Variants in ANO4 observed in about 807,000 individuals in gnomAD.
ANO4 encodes anoctamin 4, also known as anoctamin-4.
Under a neutral mutation model 141.9 loss-of-function variants are expected in ANO4, and 69 were observed. The observed-to-expected ratio is 0.49, with a 90% CI of 0.40 to 0.59. The LOEUF (loss-of-function observed/expected upper bound fraction) is 0.59. ANO4 is among the 20% of genes least tolerant of loss of function. The pLI is 0.00. For synonymous variants in ANO4, 350 were observed against 394.3 expected (o/e 0.89, Z 1.33); for missense variants, 894 against 1,162.2 (o/e 0.77, Z 3.36).
At chr12:100,862,809 C>G (rs543992888) in intron 1 of ANO4, among the ~76,000 whole-genome samples, 1 of 152,288 alleles carries the variant, frequency 6.6e-6, no homozygotes, top group Admixed American at 6.5e-5. Context: ...GGTATAATGT[C>G]ATGGGATCAC....
chr12:100,922,290 T>A lies in ANO4; in HGVS notation c.120T>A (p.Ser40Arg). ...AAATACTACCTGACGGGCCAAAGAGTGATGTGGACTTTTCAGAGATTCTTA... is the reference window on the plus strand; with the variant it reads ...AAATACTACCTGACGGGCCAAAGAGAGATGTGGACTTTTCAGAGATTCTTA... Reference protein sequence around the residue: ...DMQILPDGPKSDVDFSEILNA... With the variant: ...DMQILPDGPKRDVDFSEILNA... Residue 40 changes from serine (S) to arginine (R), a missense_variant, in exon 3 of 28, where the codon AGT (serine) becomes AGA (arginine). Coordinates refer to ENST00000392977, the MANE Select transcript of ANO4 (RefSeq NM_001286615.2). The A allele has an allele frequency of 6.5e-7, 1 of 1,532,208 alleles. No individual in the cohort carries two copies. Among genetic ancestry groups the A allele is most frequent in the Non-Finnish European group, 8.7e-7 (1 of 1,145,680 alleles). 94.9% of individuals were successfully genotyped at this position (1,532,208 alleles called of 1,614,324 possible).
In ANO4 at chr12:101,025,108, C is replaced by T. The variant is rs112205395; in HGVS notation, c.841+4968C>T. Reference sequence around the variant, plus strand: ...GAGCTTTAAAGATCAACATGTTAAACTTCCACTTCTGGCCAAGATGGAGCA... The same window carrying T: ...GAGCTTTAAAGATCAACATGTTAAATTTCCACTTCTGGCCAAGATGGAGCA... On this transcript the variant is annotated intron_variant, in intron 9 of 27. Coordinates refer to ENST00000392977, the MANE Select transcript of ANO4 (RefSeq NM_001286615.2). Among the ~76,000 whole-genome samples, 704 of 152,322 alleles carry T rather than the reference C, an allele frequency of 4.6e-3. 1 individual carries two copies. Among genetic ancestry groups the T allele is most frequent in the Non-Finnish European group, 8.0e-3 (547 of 68,030 alleles).
At chr12:100,850,464 G>A (rs1478240948) in intron 1 of ANO4, among the ~76,000 whole-genome samples, 1 of 151,916 alleles carries the variant, frequency 6.6e-6, no homozygotes, top group Non-Finnish European at 1.5e-5. Flanking sequence ...CTTTATTTTG[G>A]TTTGCATTTC....
chr12:100,827,323 A>G (rs1336323699), intron 1 of ANO4, among the ~76,000 whole-genome samples: 1 of 152,008 alleles, frequency 6.6e-6, no homozygotes, highest in African/African-American at 2.4e-5. Context: ...CATTATATGC[A>G]TAGCTAATGT....
At chr12:100,958,379 A>G (rs2136227123) in intron 5 of ANO4, among the ~76,000 whole-genome samples, 1 of 152,210 alleles carries the variant, frequency 6.6e-6, no homozygotes, top group South Asian at 2.1e-4. Flanking sequence ...CATTGATTCA[A>G]TTTTAAAATT....
At chr12:101,072,945 A>G (rs1378493242) in intron 14 of ANO4, among the ~76,000 whole-genome samples, 1 of 152,210 alleles carries the variant, frequency 6.6e-6, no homozygotes, top group Non-Finnish European at 1.5e-5. Context: ...CAGATGCTGG[A>G]GAGGATGTGG....
At chr12:100,986,629 AAAAT>A (rs2044720642) in intron 7 of ANO4, among the ~76,000 whole-genome samples, 1 of 152,370 alleles carries the variant, frequency 6.6e-6, no homozygotes, top group South Asian at 2.1e-4. Context: ...AATTAGGAAA[AAAAT>A]AAAGCATGAC....
At chr12:100,879,958 G>A (rs1373831742) in intron 1 of ANO4, among the ~76,000 whole-genome samples, 1 of 152,156 alleles carries the variant, frequency 6.6e-6, no homozygotes, top group Non-Finnish European at 1.5e-5. Flanking sequence ...GATGATGAGG[G>A]TTGAGCTATT....
chr12:100,817,301 A>G (rs1440985271), intron 1 of ANO4, among the ~76,000 whole-genome samples: 1 of 151,894 alleles, frequency 6.6e-6, no homozygotes, highest in Non-Finnish European at 1.5e-5. Flanking sequence ...TCTATGGTAT[A>G]TTAATAATAT....
At chr12:100,893,816 G>A (rs143911488) in intron 1 of ANO4, among the ~76,000 whole-genome samples, 1 of 152,162 alleles carries the variant, frequency 6.6e-6, no homozygotes, top group African/African-American at 2.4e-5. Context: ...TGGTCGCAGG[G>A]GGATTAAAAG....
intron 1 of ANO4, among the ~76,000 whole-genome samples, chr12:100,727,876 T>G (rs1490307606): frequency 1.3e-5 from 2 of 152,186 alleles, no homozygotes; most frequent in African/African-American, 4.8e-5. Context: ...CTATTTCTGC[T>G]GTTTTAATAA....
intron 3 of ANO4, among the ~76,000 whole-genome samples, chr12:100,780,088 A>G (rs1425374187): frequency 6.6e-6 from 1 of 152,054 alleles, no homozygotes; most frequent in Non-Finnish European, 1.5e-5. Context: ...CAGTGACACA[A>G]TCATAGCTCA....
At position 100,772,458 on chromosome 12, in the gene ANO4, C is replaced by T. The variant is rs575891662; in HGVS notation, c.358+32353C>T. Among the ~76,000 whole-genome samples the T allele has an allele frequency of 4.6e-4, 70 of 152,190 alleles. 1 individual carries two copies. The highest frequency in any genetic ancestry group is 1.6e-3 in the African/African-American group (68 of 41,510). ...AAATCTCTGCTTGTCCTTCAAAACC[C>T]AACACAGACGACATGTGATTCCCAG... On this transcript the variant is annotated intron_variant, in intron 3 of 29. Coordinates refer to the ANO4 transcript ENST00000644049.
intron 14 of ANO4, among the ~76,000 whole-genome samples, chr12:101,061,834 T>C (rs2048360665): frequency 6.6e-6 from 1 of 152,094 alleles, no homozygotes. Flanking sequence ...CATGCTCCTT[T>C]AGCTTGGAGG....
At chr12:100,987,699 C>A (rs2044774237) in intron 8 of ANO4, 29 bp downstream of exon 8, 1 of 1,611,366 alleles carries the variant, frequency 6.2e-7, no homozygotes, top group East Asian at 2.2e-5. Context: ...AGCCCCATCT[C>A]ACTAAGGATG....
At chr12:100,883,585 T>A (rs535980192) in intron 1 of ANO4, among the ~76,000 whole-genome samples, 2 of 152,200 alleles carry the variant, frequency 1.3e-5, no homozygotes, top group Non-Finnish European at 2.9e-5. Context: ...TAATGACATG[T>A]TTATTTTTTC....
chr12:101,033,730 G>C (rs2047079425), intron 9 of ANO4, among the ~76,000 whole-genome samples: 1 of 152,074 alleles, frequency 6.6e-6, no homozygotes, highest in South Asian at 2.1e-4. Flanking sequence ...GAAATTTTTT[G>C]CAATCTAGCC....
At chr12:100,765,006 A>G (rs1371142294) in intron 3 of ANO4, among the ~76,000 whole-genome samples, 2 of 152,052 alleles carry the variant, frequency 1.3e-5, no homozygotes, top group Non-Finnish European at 2.9e-5. Context: ...TTCTTCTTCA[A>G]TTTTTTTGAA....
intron 1 of ANO4, among the ~76,000 whole-genome samples, chr12:100,877,897 C>T (rs899743748): frequency 2.6e-5 from 4 of 152,112 alleles, no homozygotes; most frequent in African/African-American, 9.7e-5. Flanking sequence ...ACTCCAGGCT[C>T]TTAAGCAGTA....
Sources: gnomAD v4.1 joint callset for allele counts (sites outside exome capture counted in the v4.1 genomes callset) on GRCh38, gnomAD v4.1.1 for gene constraint, MANE v1.5 for transcripts, NCBI Gene and HGNC (gene_info 2026-07-23, HGNC 2026-07-21) for gene names.